Variants in GRIK4 observed in about 807,000 individuals in gnomAD.
The protein encoded by GRIK4 is glutamate ionotropic receptor kainate type subunit 4.
Under a neutral mutation model 104.9 loss-of-function variants are expected in GRIK4, and 40 were observed. That is an observed-to-expected ratio of 0.38 (90% confidence interval 0.30 to 0.50). The LOEUF is 0.50. GRIK4 is among the 20% of genes least tolerant of loss of function. The pLI, the probability that GRIK4 is intolerant of heterozygous loss-of-function variation, is 0.93. For synonymous variants in GRIK4, 485 were observed against 524.9 expected, an observed-to-expected ratio of 0.92 and a Z score of 1.04; for missense variants, 1,047 against 1,308.1, an observed-to-expected ratio of 0.80 and a Z score of 3.08.
chr11:120,687,425 ATTT>A (rs963633893), intron 3 of GRIK4, among the ~76,000 whole-genome samples: 2 of 151,942 alleles, frequency 1.3e-5, no homozygotes, highest in African/African-American at 4.8e-5. Context: ...ATTTTCATCT[ATTT>A]TTTGTATTTT....
At chr11:120,637,043 C>T (rs1170257343) in intron 1 of GRIK4, among the ~76,000 whole-genome samples, 1 of 151,984 alleles carries the variant, frequency 6.6e-6, no homozygotes, top group Non-Finnish European at 1.5e-5. Context: ...CATGGGCCTC[C>T]CCAGACGTAG....
Position 120,939,126 on chromosome 11 carries a change from G to A in GRIK4, c.1477-1221G>A, listed in dbSNP as rs1026832178. On this transcript the variant is annotated intron_variant, in intron 13 of 20. Transcript: ENST00000527524. This position sits in a 1 kb window ranked among gnomAD's most constrained non-coding sequence, Gnocchi z 5.6. ...TGCATTAGAACTGAGCACCAGTTCT[G>A]GGCTTTTCCCACTGCCCCATGTGTA... 2.3e-5 allele frequency among the ~76,000 whole-genome samples: 2 copies of A among 88,002 alleles called. No individual in the cohort carries two copies. The highest frequency in any genetic ancestry group is 2.9e-5 in the Non-Finnish European group (1 of 34,870). 57.7% of individuals were successfully genotyped at this position (88,002 alleles called of 152,430 possible). A position where few individuals can be genotyped will look rare whatever the true frequency, so the allele number is the denominator to read the frequency against.
At chr11:120,941,948 T>G (rs747064049) in intron 14 of GRIK4, among the ~76,000 whole-genome samples, 5 of 152,194 alleles carry the variant, frequency 3.3e-5, no homozygotes, top group Non-Finnish European at 7.3e-5. Flanking sequence ...ATTCTTATTT[T>G]AGAAATGAGG....
In GRIK4 at chr11:120,859,592, C is replaced by T. The variant is rs114143225; in HGVS notation, c.745-2367C>T. Among the ~76,000 whole-genome samples, 331 of 152,304 alleles carry T rather than the reference C, an allele frequency of 2.2e-3. 2 individuals are homozygous for T. Among genetic ancestry groups the T allele is most frequent in the African/African-American group, 7.8e-3 (326 of 41,558 alleles). On this transcript the variant is annotated intron_variant, in intron 8 of 20. Transcript: ENST00000527524. ...CCAGGGAAGAGGACATTTTCCAGCC[C>T]CTGCCAACCATGCCCAGCCAGGCCC...
chr11:120,848,630 A>T (rs1953904837), intron 8 of GRIK4, among the ~76,000 whole-genome samples: 1 of 152,098 alleles, frequency 6.6e-6, no homozygotes. Flanking sequence ...CCACAGCAAG[A>T]GTTGGTCTCA....
chr11:120,558,228 C>T (rs1232827756), intron 1 of GRIK4, among the ~76,000 whole-genome samples: 1 of 152,082 alleles, frequency 6.6e-6, no homozygotes, highest in Non-Finnish European at 1.5e-5. Flanking sequence ...TGAGATAAAG[C>T]ACATGAAGTG....
intron 11 of GRIK4, among the ~76,000 whole-genome samples, chr11:120,878,357 A>G (rs1388074710): frequency 1.3e-5 from 2 of 152,206 alleles, no homozygotes; most frequent in East Asian, 1.9e-4. Context: ...AGATGATTAC[A>G]GTGCAGGTGG....
chr11:120,703,343 G>A (rs951430627), intron 3 of GRIK4, among the ~76,000 whole-genome samples: 3 of 152,158 alleles, frequency 2.0e-5, no homozygotes, highest in African/African-American at 7.2e-5. Context: ...TCCCAAGAAG[G>A]TAGCATAATG....
At chr11:120,759,847 T>A (rs1255474626) in intron 3 of GRIK4, among the ~76,000 whole-genome samples, 3 of 152,210 alleles carry the variant, frequency 2.0e-5, no homozygotes, top group Admixed American at 2.0e-4. Context: ...TTAAAATAAA[T>A]TTTTTATTGT....
chr11:120,778,750 G>A (rs2135469000), intron 3 of GRIK4, among the ~76,000 whole-genome samples: 1 of 152,336 alleles, frequency 6.6e-6, no homozygotes, highest in South Asian at 2.1e-4. Context: ...CACAGGGGCC[G>A]ATGAGCCCCT....
At chr11:120,598,742 A>G (rs1050009580) in intron 1 of GRIK4, among the ~76,000 whole-genome samples, 2 of 152,176 alleles carry the variant, frequency 1.3e-5, no homozygotes, top group Non-Finnish European at 2.9e-5. Flanking sequence ...CACATTCTCC[A>G]TGTCCATGTA....
chr11:120,566,792 C>T (rs572667896), intron 1 of GRIK4, among the ~76,000 whole-genome samples: 1 of 151,118 alleles, frequency 6.6e-6, no homozygotes, highest in East Asian at 2.0e-4. Flanking sequence ...CAAGCTCCAC[C>T]TCCCGGGTTC....
chr11:120,801,593 G>A (rs1432229756), intron 3 of GRIK4, among the ~76,000 whole-genome samples: 2 of 152,102 alleles, frequency 1.3e-5, no homozygotes, highest in Admixed American at 6.5e-5. Context: ...ATTTTTTATT[G>A]TTGAGTAATA....
chr11:120,595,295 A>T (rs1025605549), intron 1 of GRIK4, among the ~76,000 whole-genome samples: 8 of 152,056 alleles, frequency 5.3e-5, no homozygotes, highest in Admixed American at 2.0e-4. Context: ...TAAGTTTCAG[A>T]TTGTTTTCAC....
At chr11:120,695,642 G>T (rs1454961908) in intron 3 of GRIK4, among the ~76,000 whole-genome samples, 1 of 152,104 alleles carries the variant, frequency 6.6e-6, no homozygotes, top group Non-Finnish European at 1.5e-5. Context: ...CGGGTGGGAG[G>T]CAGGGCTGTC....
chr11:120,862,090 C>A lies in GRIK4; in HGVS notation c.876C>A (p.Asn292Lys), dbSNP rs773072893. 6.2e-7 allele frequency: 1 copy of A among 1,614,148 alleles called. No individual in the cohort carries two copies. The highest frequency in any genetic ancestry group is 8.5e-7 in the Non-Finnish European group (1 of 1,179,990). The change falls in exon 9 of 21, where the codon AAC (asparagine) becomes AAA (lysine). Residue 292 changes from asparagine (N) to lysine (K), a missense_variant. By Grantham distance (94) the Asn-to-Lys change is moderately conservative. Around this residue, in one of 3 missense-constraint regions of GRIK4, gnomAD observed 447 missense variants for 514.9 expected, o/e 0.87. Coordinates refer to ENST00000527524, the MANE Select transcript of GRIK4 (RefSeq NM_014619.5). ...AQSLNQSWQE[N>K]CDHVPFTGPA... Reference sequence around the variant, plus strand: ...GCCTCAACCAGTCCTGGCAGGAGAACTGTGACCATGTGCCCTTCACTGGGC... The same window carrying A: ...GCCTCAACCAGTCCTGGCAGGAGAAATGTGACCATGTGCCCTTCACTGGGC...
At position 120,819,896 on chromosome 11, in the gene GRIK4, T is replaced by C. The variant is rs866874625; in HGVS notation, c.487T>C (p.Cys163Arg). 1 of 1,614,046 alleles carries C rather than the reference T, an allele frequency of 6.2e-7. No individual in the cohort carries two copies. The highest frequency in any genetic ancestry group is 8.5e-7 in the Non-Finnish European group (1 of 1,180,012). The change falls in exon 6 of 21, where the codon TGC becomes CGC. Residue 163 changes from cysteine (C) to arginine (R), a missense_variant. Physicochemically the swap from Cys to Arg is radical, Grantham distance 180 (BLOSUM62 -3). Around this residue, in one of 3 missense-constraint regions of GRIK4, gnomAD observed 447 missense variants for 514.9 expected, o/e 0.87. Coordinates refer to ENST00000527524, the MANE Select transcript of GRIK4 (RefSeq NM_014619.5). The surrounding 1 kb of genome is among the most constrained non-coding windows in gnomAD (Gnocchi z 4.3). ...ILNFFNCTTA[C>R]LICAKAECLL... ...GAACTTCTTCAACTGCACCACCGCCTGCCTCATCTGTGCCAAAGCAGAATG... is the reference window on the plus strand; with the variant it reads ...GAACTTCTTCAACTGCACCACCGCCCGCCTCATCTGTGCCAAAGCAGAATG...
intron 3 of GRIK4, among the ~76,000 whole-genome samples, chr11:120,796,458 C>T (rs1416421525): frequency 6.6e-6 from 1 of 152,136 alleles, no homozygotes; most frequent in Non-Finnish European, 1.5e-5. Flanking sequence ...ATAAATACCC[C>T]TCCAAGGCAG....
intron 3 of GRIK4, among the ~76,000 whole-genome samples, chr11:120,791,321 T>A (rs1196868645): frequency 6.6e-6 from 1 of 152,202 alleles, no homozygotes; most frequent in Non-Finnish European, 1.5e-5. Context: ...TAGTAATATA[T>A]CATTATGGTT....
Sources: allele counts gnomAD v4.1 joint callset (sites outside exome capture counted in the v4.1 genomes callset), GRCh38; gene constraint gnomAD v4.1.1; regional missense constraint gnomAD v4.1.1; non-coding constraint Gnocchi (gnomAD v3.1); transcripts MANE v1.5; gene names NCBI Gene and HGNC (gene_info 2026-07-23, HGNC 2026-07-21).